CD1C: variants seen among roughly 807,000 people sequenced by gnomAD.
CD1C encodes T-cell surface glycoprotein CD1c.
A neutral mutation model predicts 39.4 loss-of-function variants in CD1C; 47 were observed. The ratio of observed to expected loss-of-function variants is 1.19; its 90% CI spans 0.94 to 1.52. The LOEUF (loss-of-function observed/expected upper bound fraction) is 1.52. Ranked by LOEUF, CD1C falls within the 40% of genes most tolerant of loss-of-function variation. The pLI, the probability that CD1C is intolerant of heterozygous loss-of-function variation, is 0.00. For synonymous variants in CD1C, 165 were observed against 150.8 expected (o/e 1.09, Z -0.69); for missense variants, 417 against 395.2 (o/e 1.06, Z -0.47).
At chr1:158,293,122 A>G in intron 4 of CD1C, 90 bp from the exon 5 acceptor site, 2 of 1,041,848 alleles carry the variant, frequency 1.9e-6, no homozygotes, top group Non-Finnish European at 2.9e-6. Flanking sequence ...CAACTCATCC[A>G]ATGCATATGT....
At chr1:158,292,408 G>C (rs768687130) in intron 3 of CD1C, 43 bp downstream of exon 3, 15 of 1,578,016 alleles carry the variant, frequency 9.5e-6, no homozygotes, top group African/African-American at 1.4e-5. Context: ...TTCTATTCAA[G>C]TACTGCCCCT....
In CD1C at chr1:158,293,612, A is replaced by C; in HGVS notation, c.*136A>C. 6.3e-7 allele frequency: 1 copy of C among 1,597,284 alleles called. No individual in the cohort carries two copies. On this transcript the variant is annotated 3_prime_UTR_variant, in exon 6 of 6. Transcript: ENST00000368170. ...GCATAATAAACATTTGTTAATAAAAACCAAATTCTAATTTGGAATGTTTTT... is the reference window on the plus strand; with the variant it reads ...GCATAATAAACATTTGTTAATAAAACCCAAATTCTAATTTGGAATGTTTTT...
In CD1C at chr1:158,292,875, G is replaced by A. The variant is rs1414476673; in HGVS notation, c.889+1G>A. ...GGCCAGGACATCATCCTCTACTGGG[G>A]TAAGACTGGAGGTTGGAAGTGTAGG... On this transcript the variant is annotated splice_donor_variant, in intron 4 of 5. Transcript: ENST00000368170. LOFTEE classifies it high-confidence loss of function. 6.2e-7 allele frequency: 1 copy of A among 1,613,694 alleles called. No homozygotes were observed. Among genetic ancestry groups the A allele is most frequent in the Non-Finnish European group, 8.5e-7 (1 of 1,179,670 alleles).
chr1:158,291,524 C>A (rs767317717), intron 2 of CD1C, 124 bp downstream of exon 2: 33 of 953,502 alleles, frequency 3.5e-5, no homozygotes, highest in Non-Finnish European at 4.7e-5. Flanking sequence ...CATAGATGAA[C>A]CTTTTAAGGG....
chr1:158,291,788 C>A (rs1291924693), intron 2 of CD1C, among the ~76,000 whole-genome samples: 1 of 152,068 alleles, frequency 6.6e-6, no homozygotes, highest in Non-Finnish European at 1.5e-5. Context: ...TATCCTCCTA[C>A]CTCCCTCACA....
rs941925574 is a variant in CD1C, at chr1:158,294,377, A to C, written c.*901A>C. ...TTGGGTACTGAGTTGAGACAGGCAC[A>C]TACAGCTTCTAAACTGGTGGTGGAT... On this transcript the variant is annotated 3_prime_UTR_variant, in exon 6 of 6. Transcript: ENST00000368170. 1.3e-5 allele frequency among the ~76,000 whole-genome samples: 2 copies of C among 152,252 alleles called. No individual in the cohort carries two copies. The highest frequency in any genetic ancestry group is 2.1e-4 in the South Asian group (1 of 4,834).
At chr1:158,290,796 T>C (rs1358348939) in intron 1 of CD1C, among the ~76,000 whole-genome samples, 2 of 152,342 alleles carry the variant, frequency 1.3e-5, no homozygotes, top group Middle Eastern at 3.4e-3. Context: ...TTTCCGCTGC[T>C]AGTTCTTCTC....
chr1:158,292,343 G>A lies in CD1C; in HGVS notation c.588G>A (p.Gly196=), dbSNP rs1475519564. ...PRFLLGLLDA[G]KMYVHRQVRP... ...TTCTCTTGGGTCTCCTGGATGCAGG[G>A]AAGATGTATGTACACAGGCAAGGTC... The change falls in exon 3 of 6, where the codon GGG becomes GGA. Residue 196 remains glycine (G), a synonymous_variant. Coordinates refer to ENST00000368170, the MANE Select transcript of CD1C (RefSeq NM_001765.3). 1.9e-6 allele frequency: 3 copies of A among 1,613,986 alleles called. No individual in the cohort carries two copies. The highest frequency in any genetic ancestry group is 1.7e-6 in the Non-Finnish European group (2 of 1,179,986).
rs1651038592 is a variant in CD1C, at chr1:158,291,408, C to T, written c.328+8C>T. 6.2e-7 allele frequency: 1 copy of T among 1,611,834 alleles called. No homozygotes were observed. The highest frequency in any genetic ancestry group is 8.5e-7 in the Non-Finnish European group (1 of 1,178,220). On this transcript the variant is annotated splice_region_variant and intron_variant, in intron 2 of 5. Transcript: ENST00000368170. ...GTCAAGATTACTCGAAATGTAAGTT[C>T]AATCATCTAAATTATGGGAGTTCTT...
In CD1C at chr1:158,291,492, C is replaced by T. The variant is rs1263914890; in HGVS notation, c.328+92C>T. ...TAATTTTTGGGCCATTTCCCATTATCCCATCCCACCATAAAATTCTGCATA... is the reference window on the plus strand; with the variant it reads ...TAATTTTTGGGCCATTTCCCATTATTCCATCCCACCATAAAATTCTGCATA... On this transcript the variant is annotated intron_variant, in intron 2 of 5. Transcript: ENST00000368170. 4 of 1,261,780 alleles carry T rather than the reference C, an allele frequency of 3.2e-6. No homozygotes were observed. The African/African-American group carries it at 5.9e-5, about 19-fold the overall frequency. 78.2% of individuals were successfully genotyped at this position (1,261,780 alleles called of 1,614,324 possible). A position where few individuals can be genotyped will look rare whatever the true frequency, so the allele number is the denominator to read the frequency against.
In CD1C at chr1:158,289,992, C is replaced by T; in HGVS notation, c.-73C>T. The T allele has an allele frequency of 4.3e-6, 6 of 1,382,984 alleles. No homozygotes were observed. The South Asian group carries it at 7.1e-5, about 16-fold the overall frequency. 85.7% of individuals were successfully genotyped at this position (1,382,984 alleles called of 1,614,324 possible). A position where few individuals can be genotyped will look rare whatever the true frequency, so the allele number is the denominator to read the frequency against. ...GTAGAAGGAAGTCAGAATATAGGTA[C>T]AGAGGGATAAGTTTGCTAAGAACAG... is the stretch of plus-strand genomic sequence containing the variant. On this transcript the variant is annotated 5_prime_UTR_variant, in exon 1 of 6. Coordinates refer to ENST00000368170, the MANE Select transcript of CD1C (RefSeq NM_001765.3).
chr1:158,291,114 TGCCC>T lies in CD1C; in HGVS notation c.62-19_62-16del. On this transcript the variant is annotated splice_polypyrimidine_tract_variant and intron_variant, in intron 1 of 5. Transcript: ENST00000368170. ...TTTTTTTTTTTTTCCTTACACTACTTGCCCTTCTTCCACCAAAAGCATCCCAGGA... is the reference window on the plus strand; with the variant it reads ...TTTTTTTTTTTTTCCTTACACTACTTTTCTTCCACCAAAAGCATCCCAGGA... 1 of 1,609,532 alleles carries T rather than the reference TGCCC, an allele frequency of 6.2e-7. No individual in the cohort carries two copies. The highest frequency in any genetic ancestry group is 8.5e-7 in the Non-Finnish European group (1 of 1,176,852).
In CD1C at chr1:158,290,081, T is replaced by C; in HGVS notation, c.17T>C (p.Phe6Ser). The C allele has an allele frequency of 6.2e-7, 1 of 1,614,022 alleles. No homozygotes were observed. The highest frequency in any genetic ancestry group is 1.3e-5 in the African/African-American group (1 of 75,040). MLFLQ[F>S]LLLALLLPGG... ...GCAAATGACATGCTGTTTCTGCAGT[T>C]TCTGCTGCTAGCTCTTCTTCTCCCA... is the stretch of plus-strand genomic sequence containing the variant. The change falls in exon 1 of 6, where the codon TTT becomes TCT. Residue 6 changes from phenylalanine to serine, a missense_variant. By Grantham distance (155) the Phe-to-Ser change is radical (BLOSUM62 -2). Transcript: ENST00000368170.
At position 158,293,799 on chromosome 1, in the gene CD1C, C is replaced by A. The variant is rs1306743932; in HGVS notation, c.*323C>A. ...CTGTGTTGCAGCTACTTGAGTCTTT[C>A]ATTTCACATTTTTAAGCTTTTAGGA... is the stretch of plus-strand genomic sequence containing the variant. On this transcript the variant is annotated 3_prime_UTR_variant, in exon 6 of 6. Coordinates refer to ENST00000368170, the MANE Select transcript of CD1C (RefSeq NM_001765.3). Among the ~76,000 whole-genome samples the A allele has an allele frequency of 6.6e-6, 1 of 152,150 alleles. No homozygotes were observed. The highest frequency in any genetic ancestry group is 1.9e-4 in the East Asian group (1 of 5,190).
At chr1:158,292,517 A>G in intron 3 of CD1C, 79 bp from the exon 4 acceptor site, 3 of 1,517,436 alleles carry the variant, frequency 2.0e-6, no homozygotes, top group Non-Finnish European at 1.8e-6. Context: ...ATAACTGTGC[A>G]TATTCATGTG....
chr1:158,291,614 C>G (rs878973047), intron 2 of CD1C, among the ~76,000 whole-genome samples: 1 of 152,102 alleles, frequency 6.6e-6, no homozygotes, highest in Non-Finnish European at 1.5e-5. Context: ...TTGTTATCTT[C>G]CACCTGTGGT....
rs773196926 is a variant in CD1C, at chr1:158,292,788, T to A, written c.803T>A (p.Leu268Gln). 1 of 1,614,208 alleles carries A rather than the reference T, an allele frequency of 6.2e-7. No homozygotes were observed. Among genetic ancestry groups the A allele is most frequent in the East Asian group, 2.2e-5 (1 of 44,876 alleles). Residue 268 changes from leucine (L) to glutamine (Q), a missense_variant, in exon 4 of 6, where the codon CTG becomes CAG. Transcript: ENST00000368170. ...GGGACATGGTATCTTCAGGTGATCC[T>A]GGAGGTGGCATCTGAGGAGCCTGCT... ...ADGTWYLQVILEVASEEPAGL... is the reference protein window; with the variant it reads ...ADGTWYLQVIQEVASEEPAGL...
At position 158,292,107 on chromosome 1, in the gene CD1C, G is replaced by A. The variant is rs754910860; in HGVS notation, c.352G>A (p.Ala118Thr). Residue 118 changes from alanine (A) to threonine (T), a missense_variant, in exon 3 of 6, where the codon GCG becomes ACG. By Grantham distance (58) the Ala-to-Thr change is moderately conservative. Transcript: ENST00000368170. The part of the protein sequence containing the change: ...SKYPFEVQVK[A>T]GCELHSGKSP... The stretch of plus-strand genomic sequence containing the variant: ...AGATCCCTTTGAAGTACAGGTGAAA[G>A]CGGGCTGTGAGCTGCATTCTGGAAA... 1 of 1,614,042 alleles carries A rather than the reference G, an allele frequency of 6.2e-7. No individual in the cohort carries two copies. The highest frequency in any genetic ancestry group is 1.1e-5 in the South Asian group (1 of 91,068).
In CD1C at chr1:158,293,517, C is replaced by G. The variant is rs769114441; in HGVS notation, c.*41C>G. On this transcript the variant is annotated 3_prime_UTR_variant, in exon 6 of 6. Transcript: ENST00000368170. The stretch of plus-strand genomic sequence containing the variant: ...CTCCCCCATTGTGTTAAGAACCCAG[C>G]AACCCAGGAGCCTAGTACAATATAG... The G allele has an allele frequency of 5.6e-6, 9 of 1,613,842 alleles. No homozygotes were observed. In the African/African-American group the frequency reaches 1.1e-4, roughly 19 times the overall value.
Sources: allele counts gnomAD v4.1 joint callset (sites outside exome capture counted in the v4.1 genomes callset), GRCh38; gene constraint gnomAD v4.1.1; transcripts MANE v1.5; gene names NCBI Gene and HGNC (gene_info 2026-07-23, HGNC 2026-07-21).